Variants in XPOT observed in about 807,000 individuals in gnomAD.
XPOT encodes the protein exportin-T.
Under a neutral mutation model 128.2 loss-of-function variants are expected in XPOT, and 34 were observed. That is an observed-to-expected ratio of 0.27 (90% confidence interval 0.20 to 0.35). The LOEUF is 0.35. Ranked by LOEUF, XPOT falls within the 10% of genes least tolerant of loss-of-function variation. XPOT has a pLI of 1.00. For synonymous variants in XPOT, 348 were observed against 394.3 expected, an observed-to-expected ratio of 0.88 and a Z score of 1.39; for missense variants, 838 against 1,125.3, an observed-to-expected ratio of 0.74 and a Z score of 3.65.
At chr12:64,432,438 G>A (rs1159507979) in intron 18 of XPOT, among the ~76,000 whole-genome samples, 2 of 152,028 alleles carry the variant, frequency 1.3e-5, no homozygotes, top group South Asian at 2.1e-4. Context: ...TAGAGACAGC[G>A]TTTCCCCATG....
intron 15 of XPOT, among the ~76,000 whole-genome samples, chr12:64,427,296 T>C (rs1017414257): frequency 9.9e-5 from 15 of 151,872 alleles, no homozygotes; most frequent in Admixed American, 7.9e-4. Context: ...ATTTTTTGTA[T>C]TTTTAGTAGA....
At chr12:64,423,100 CT>C in intron 10 of XPOT, 57 bp downstream of exon 10, 5 of 1,598,838 alleles carry the variant, frequency 3.1e-6, no homozygotes, top group Non-Finnish European at 4.3e-6. Context: ...TGTAATTTGC[CT>C]TGAAATGTAG....
chr12:64,445,045 C>CT, intron 23 of XPOT, 30 bp from the exon 24 acceptor site: 1 of 1,563,110 alleles, frequency 6.4e-7, no homozygotes, highest in Non-Finnish European at 8.7e-7. Context: ...TACATTTGTT[C>CT]TTTTTCTCCC....
At chr12:64,424,317 A>G (rs539139230) in intron 11 of XPOT, among the ~76,000 whole-genome samples, 1 of 152,266 alleles carries the variant, frequency 6.6e-6, no homozygotes, top group East Asian at 1.9e-4. Context: ...CTTATTTGTG[A>G]GCTGGAGGGA....
chr12:64,430,466 AT>A (rs2040229627), intron 17 of XPOT, among the ~76,000 whole-genome samples, 179 bp downstream of exon 17: 1 of 152,244 alleles, frequency 6.6e-6, no homozygotes, highest in South Asian at 2.1e-4. Context: ...GTTACATACC[AT>A]TTACATTTTT....
intron 22 of XPOT, among the ~76,000 whole-genome samples, chr12:64,438,867 TG>T (rs1336510398): frequency 6.6e-6 from 1 of 152,004 alleles, no homozygotes; most frequent in Non-Finnish European, 1.5e-5. Flanking sequence ...TGACCTCAAG[TG>T]ATCACCCATC....
At position 64,420,267 on chromosome 12, in the gene XPOT, A is replaced by G. The variant is rs1359771783; in HGVS notation, c.674+13A>G. 1 of 1,587,316 alleles carries G rather than the reference A, an allele frequency of 6.3e-7. No individual in the cohort carries two copies. The highest frequency in any genetic ancestry group is 2.2e-5 in the East Asian group (1 of 44,696). On this transcript the variant is annotated intron_variant, in intron 7 of 24. Coordinates refer to ENST00000332707, the MANE Select transcript of XPOT (RefSeq NM_007235.6). ...TAGCCAATGATAGGTAAGTATGCCT[A>G]TTATTTTTATAGTATAAACTTGTAA...
At chr12:64,408,606 C>T (rs1276036503) in intron 1 of XPOT, among the ~76,000 whole-genome samples, 2 of 152,054 alleles carry the variant, frequency 1.3e-5, no homozygotes, top group African/African-American at 2.4e-5. Flanking sequence ...AGTGGATTAC[C>T]TCTCAGAGAT....
At chr12:64,412,511 C>T (rs960033834) in intron 2 of XPOT, among the ~76,000 whole-genome samples, 1 of 152,132 alleles carries the variant, frequency 6.6e-6, no homozygotes, top group African/African-American at 2.4e-5. Flanking sequence ...TGAGATATTC[C>T]TAAAGAATAC....
chr12:64,427,868 A>G (rs530931174), intron 15 of XPOT, among the ~76,000 whole-genome samples, 183 bp from the exon 16 acceptor site: 1 of 152,326 alleles, frequency 6.6e-6, no homozygotes, highest in African/African-American at 2.4e-5. Context: ...AGTCATTTTG[A>G]CAATCTTATC....
intron 18 of XPOT, among the ~76,000 whole-genome samples, chr12:64,432,940 A>C (rs1478432439): frequency 1.3e-5 from 2 of 152,080 alleles, no homozygotes; most frequent in East Asian, 3.9e-4. Context: ...ATATTTTTTA[A>C]GGTTTTTTCC....
intron 1 of XPOT, among the ~76,000 whole-genome samples, chr12:64,408,892 T>C (rs1001952418): frequency 5.9e-5 from 9 of 152,332 alleles, no homozygotes; most frequent in African/African-American, 2.2e-4. Flanking sequence ...CAGGCTGGCT[T>C]GAACTCCTGA....
intron 17 of XPOT, 25 bp from the exon 18 acceptor site, chr12:64,431,513 G>T (rs370687742): frequency 6.2e-7 from 1 of 1,605,572 alleles, no homozygotes; most frequent in Non-Finnish European, 8.5e-7. Flanking sequence ...AGTTGCATCT[G>T]ATTGCCTGAT....
chr12:64,425,372 C>T lies in XPOT; in HGVS notation c.1487C>T (p.Thr496Ile). The change falls in exon 14 of 25, where the codon ACA becomes ATA. Residue 496 changes from threonine to isoleucine, a missense_variant. By Grantham distance (89) the Thr-to-Ile change is moderately conservative. Transcript: ENST00000332707. ...VTSGVSSYQH[T>I]SVTLEFFETV... The stretch of plus-strand genomic sequence containing the variant: ...TCAGGAGTCAGTTCCTATCAGCATA[C>T]ATCTGTGACATTGGAGTTCTTCGAA... 3 of 1,613,470 alleles carry T rather than the reference C, an allele frequency of 1.9e-6. No homozygotes were observed. Among genetic ancestry groups the T allele is most frequent in the Non-Finnish European group, 2.5e-6 (3 of 1,179,962 alleles).
intron 24 of XPOT, 92 bp from the exon 25 acceptor site, chr12:64,448,013 C>G (rs908187359): frequency 8.8e-7 from 1 of 1,137,382 alleles, no homozygotes; most frequent in East Asian, 2.4e-5. Flanking sequence ...TACAGAAGAA[C>G]ATTGCTAGCA....
intron 18 of XPOT, among the ~76,000 whole-genome samples, chr12:64,432,165 G>A (rs756848583): frequency 1.6e-4 from 25 of 152,218 alleles, no homozygotes; most frequent in Non-Finnish European, 2.5e-4. Context: ...GTAATTCAAT[G>A]TATTAAAGTC....
intron 23 of XPOT, chr12:64,442,966 C>G (rs981531219): frequency 6.6e-6 from 1 of 152,638 alleles, no homozygotes; most frequent in East Asian, 1.9e-4. Flanking sequence ...CTGCCTCAGC[C>G]TCCCGAGTAG....
In XPOT at chr12:64,416,501, T is replaced by C. The variant is rs191324677; in HGVS notation, c.144-197T>C. On this transcript the variant is annotated intron_variant, in intron 3 of 24. Coordinates refer to ENST00000332707, the MANE Select transcript of XPOT (RefSeq NM_007235.6). Reference sequence around the variant, plus strand: ...TCAGATTTAATGGAAATTTTAAATATTGTGTAATATTTAGAGTTCTCATAG... The same window carrying C: ...TCAGATTTAATGGAAATTTTAAATACTGTGTAATATTTAGAGTTCTCATAG... 2.9e-3 allele frequency among the ~76,000 whole-genome samples: 436 copies of C among 152,352 alleles called. 4 individuals carry two copies. In the South Asian group the frequency reaches 0.031, roughly 11 times the overall value.
chr12:64,447,935 C>G (rs1444094928), intron 24 of XPOT, among the ~76,000 whole-genome samples, 170 bp from the exon 25 acceptor site: 1 of 152,192 alleles, frequency 6.6e-6, no homozygotes, highest in African/African-American at 2.4e-5. Flanking sequence ...TTACCAAACT[C>G]TCCAGAACAG....
Sources: allele counts gnomAD v4.1 joint callset (sites outside exome capture counted in the v4.1 genomes callset), GRCh38; gene constraint gnomAD v4.1.1; transcripts MANE v1.5; gene names NCBI Gene and HGNC (gene_info 2026-07-23, HGNC 2026-07-21).